EEIG1: variants seen among roughly 807,000 people sequenced by gnomAD.
EEIG1 encodes the protein early estrogen-induced gene 1 protein.
At chr9:127,975,399 C>T in the EEIG1 span, among the ~76,000 whole-genome samples, 1 of 152,204 alleles carries the variant, frequency 6.6e-6, no homozygotes, top group Non-Finnish European at 1.5e-5. Context: ...AGAAGAGGGG[C>T]CTCCAAGTCA....
the EEIG1 span, among the ~76,000 whole-genome samples, chr9:127,972,409 ACT>A: frequency 2.6e-5 from 4 of 152,120 alleles, no homozygotes; most frequent in Non-Finnish European, 5.9e-5. The surrounding 1 kb of genome is among the most constrained non-coding windows in gnomAD (Gnocchi z 4.3). Flanking sequence ...CCCTGCCATA[ACT>A]CTGCCTGGAC....
chr9:127,979,391 A>C, the EEIG1 span, among the ~76,000 whole-genome samples: 2 of 152,252 alleles, frequency 1.3e-5, no homozygotes, highest in Non-Finnish European at 2.9e-5. Context: ...GGGACGAACA[A>C]CACAAAACCA....
At chr9:127,964,657 C>T in the EEIG1 span, among the ~76,000 whole-genome samples, 3 of 152,244 alleles carry the variant, frequency 2.0e-5, no homozygotes, top group South Asian at 6.2e-4. Context: ...CCCACGTCCA[C>T]TCTCAACACT....
At chr9:127,973,586 G>T in the EEIG1 span, among the ~76,000 whole-genome samples, 4 of 152,198 alleles carry the variant, frequency 2.6e-5, no homozygotes, top group African/African-American at 9.6e-5. The surrounding 1 kb of genome is among the most constrained non-coding windows in gnomAD (Gnocchi z 4.2). Flanking sequence ...GCAAAGGCTA[G>T]GTCCAAGGAG....
At chr9:127,948,302 G>C in the EEIG1 span, 1 of 1,612,492 alleles carries the variant, frequency 6.2e-7, no homozygotes, top group Non-Finnish European at 8.5e-7. Flanking sequence ...CAGAGTCCCT[G>C]TTCCTCCACC....
the EEIG1 span, chr9:127,950,784 G>T: frequency 8.9e-7 from 1 of 1,128,392 alleles, no homozygotes; most frequent in Non-Finnish European, 1.2e-6. Context: ...TTTGTGCCAC[G>T]TCCCGGCGTG....
At chr9:127,972,000 G>C in the EEIG1 span, among the ~76,000 whole-genome samples, 3 of 152,134 alleles carry the variant, frequency 2.0e-5, no homozygotes, top group African/African-American at 7.2e-5. Flanking sequence ...TGTACTGAGC[G>C]GCCGCTGTCT....
the EEIG1 span, chr9:127,980,035 C>T: frequency 4.3e-6 from 7 of 1,613,546 alleles, no homozygotes; most frequent in Admixed American, 1.7e-5. Context: ...AGCAGCCGGA[C>T]CTTGCAGAAG....
At chr9:127,955,464 C>G in the EEIG1 span, among the ~76,000 whole-genome samples, 2 of 152,258 alleles carry the variant, frequency 1.3e-5, no homozygotes, top group African/African-American at 2.4e-5. Flanking sequence ...GAAAGCCTGG[C>G]GAGGAGAACC....
the EEIG1 span, among the ~76,000 whole-genome samples, chr9:127,967,264 G>T: frequency 6.6e-6 from 1 of 152,034 alleles, no homozygotes; most frequent in Non-Finnish European, 1.5e-5. Context: ...AAAGATGAGC[G>T]CTCCATCTCC....
chr9:127,955,694 C>A, the EEIG1 span, among the ~76,000 whole-genome samples: 6 of 152,318 alleles, frequency 3.9e-5, no homozygotes, highest in East Asian at 1.2e-3. Flanking sequence ...GGAGACAGTT[C>A]CAAAGAGAGG....
At chr9:127,953,865 C>A in the EEIG1 span, 2 of 1,614,020 alleles carry the variant, frequency 1.2e-6, no homozygotes, top group Non-Finnish European at 1.7e-6. Context: ...GGTTAGCACT[C>A]ATCTTACACA....
chr9:127,950,425 T>G, the EEIG1 span: 1 of 1,613,514 alleles, frequency 6.2e-7, no homozygotes, highest in East Asian at 2.2e-5. Flanking sequence ...CCTGGTACCT[T>G]AAGGATGGAG....
chr9:127,962,860 C>T, the EEIG1 span, among the ~76,000 whole-genome samples: 7 of 152,128 alleles, frequency 4.6e-5, no homozygotes, highest in African/African-American at 7.2e-5. Context: ...AAGACCCCAC[C>T]TTGATTAAAA....
chr9:127,968,560 TC>T, the EEIG1 span, among the ~76,000 whole-genome samples: 2 of 152,140 alleles, frequency 1.3e-5, no homozygotes, highest in Non-Finnish European at 2.9e-5. Context: ...CCGTAAGGGC[TC>T]CCCTAAGCCT....
the EEIG1 span, chr9:127,953,790 C>A: frequency 6.2e-7 from 1 of 1,613,990 alleles, no homozygotes; most frequent in Non-Finnish European, 8.5e-7. Context: ...GCCCCACATG[C>A]GCCCTTGGCC....
the EEIG1 span, among the ~76,000 whole-genome samples, chr9:127,975,413 GCTGT>G: frequency 6.6e-6 from 1 of 152,176 alleles, no homozygotes; most frequent in Non-Finnish European, 1.5e-5. Flanking sequence ...CAAGTCACAG[GCTGT>G]CTGTTTCTTG....
At chr9:127,958,650 G>A in the EEIG1 span, among the ~76,000 whole-genome samples, 1 of 151,572 alleles carries the variant, frequency 6.6e-6, no homozygotes, top group African/African-American at 2.4e-5. Flanking sequence ...GGGTGACACA[G>A]TGAAACCCTA....
the EEIG1 span, among the ~76,000 whole-genome samples, chr9:127,959,345 G>C: frequency 6.6e-6 from 1 of 152,132 alleles, no homozygotes; most frequent in Non-Finnish European, 1.5e-5. Flanking sequence ...TTCTAACTGG[G>C]GAATAACCTT....
Sources: allele counts gnomAD v4.1 joint callset (sites outside exome capture counted in the v4.1 genomes callset), GRCh38; gene constraint gnomAD v4.1.1; non-coding constraint Gnocchi (gnomAD v3.1); transcripts MANE v1.5; gene names NCBI Gene and HGNC (gene_info 2026-07-23, HGNC 2026-07-21).